The following WDR43 variants were observed in gnomAD, a reference collection of about 807,000 sequenced individuals.
WDR43 encodes WD repeat domain 43.
A neutral mutation model predicts 91.4 loss-of-function variants in WDR43; 13 were observed. The observed-to-expected ratio is 0.14, with a 90% CI of 0.09 to 0.23. The LOEUF is 0.23. Among genes scored for constraint, WDR43 ranks in the 10% least tolerant of loss-of-function variants. The pLI is 1.00. For missense variants in WDR43, 780 were observed against 809.4 expected, an observed-to-expected ratio of 0.96 and a Z score of 0.44; for synonymous variants, 331 against 287.9, an observed-to-expected ratio of 1.15 and a Z score of -1.51.
chr2:28,907,627 T>C (rs1423497363), intron 3 of WDR43, among the ~76,000 whole-genome samples: 1 of 136,564 alleles, frequency 7.3e-6, no homozygotes, highest in Non-Finnish European at 1.6e-5. Flanking sequence ...AAAAAAAGGC[T>C]GGGCTTGGTG....
Position 28,941,453 on chromosome 2 carries a change from T to G in WDR43, c.1621-8T>G. On this transcript the variant is annotated splice_region_variant and splice_polypyrimidine_tract_variant and intron_variant, in intron 14 of 17. Transcript: ENST00000407426. ...TTAATAGTGCCAAATGATCATTTTT[T>G]TCTCTAGTTGCCTGACCTGGTACCC... is the stretch of plus-strand genomic sequence containing the variant. The G allele has an allele frequency of 6.2e-7, 1 of 1,606,054 alleles. No individual in the cohort carries two copies. The highest frequency in any genetic ancestry group is 8.5e-7 in the Non-Finnish European group (1 of 1,175,008).
At chr2:28,933,950 T>G (rs1402679196) in intron 11 of WDR43, among the ~76,000 whole-genome samples, 3 of 152,166 alleles carry the variant, frequency 2.0e-5, no homozygotes, top group Non-Finnish European at 4.4e-5. Context: ...TGAGGATGTA[T>G]CCACATATGA....
chr2:28,934,472 C>T (rs1226776759), intron 11 of WDR43, among the ~76,000 whole-genome samples: 4 of 152,190 alleles, frequency 2.6e-5, no homozygotes, highest in Admixed American at 6.5e-5. Flanking sequence ...GTCTTCAACA[C>T]CACCTTCTTA....
chr2:28,923,084 G>A, intron 7 of WDR43, 101 bp downstream of exon 7: 1 of 991,812 alleles, frequency 1.0e-6, no homozygotes, highest in Non-Finnish European at 1.5e-6. Flanking sequence ...TTACTATTCA[G>A]CCAGATTATT....
At position 28,917,901 on chromosome 2, in the gene WDR43, G is replaced by A. The variant is rs1199673902; in HGVS notation, c.755G>A (p.Arg252Gln). 3 of 1,578,248 alleles carry A rather than the reference G, an allele frequency of 1.9e-6. No individual in the cohort carries two copies. Among genetic ancestry groups the A allele is most frequent in the South Asian group, 2.3e-5 (2 of 85,680 alleles). ...HDRLLNVWQV[R>Q]SENKEKSAVM... ...CTGGTTTTGTTATCTAGGCAGGTCC[G>A]ATCAGAAAACAAAGAAAAGAGTGCA... The change falls in exon 6 of 18, where the codon CGA (arginine) becomes CAA (glutamine). Residue 252 changes from arginine to glutamine, a missense_variant. Physicochemically the swap from Arg to Gln is conservative, Grantham distance 43. Transcript: ENST00000407426.
Position 28,906,443 on chromosome 2 carries a change from T to C in WDR43, c.364-17T>C, listed in dbSNP as rs1184830198. 3 of 1,518,300 alleles carry C rather than the reference T, an allele frequency of 2.0e-6. No homozygotes were observed. Among genetic ancestry groups the C allele is most frequent in the Non-Finnish European group, 2.6e-6 (3 of 1,138,186 alleles). 94.1% of individuals were successfully genotyped at this position (1,518,300 alleles called of 1,614,324 possible). A position where few individuals can be genotyped will look rare whatever the true frequency, so the allele number is the denominator to read the frequency against. On this transcript the variant is annotated splice_polypyrimidine_tract_variant and intron_variant, in intron 2 of 17. Transcript: ENST00000407426. Reference sequence around the variant, plus strand: ...TTGAGACCAGCCTTAAATTTTTTTTTTTTTTTTAATCTACAGAGTGGTGGA... The same window carrying C: ...TTGAGACCAGCCTTAAATTTTTTTTCTTTTTTTAATCTACAGAGTGGTGGA...
At chr2:28,909,231 C>T (rs1462195457) in intron 3 of WDR43, among the ~76,000 whole-genome samples, 2 of 152,100 alleles carry the variant, frequency 1.3e-5, no homozygotes, top group Admixed American at 1.3e-4. Flanking sequence ...CTCTGCCTCC[C>T]GGAATCAAGC....
intron 1 of WDR43, among the ~76,000 whole-genome samples, chr2:28,900,614 T>C (rs550903991): frequency 2.2e-4 from 33 of 152,330 alleles, no homozygotes; most frequent in African/African-American, 7.9e-4. Context: ...TTTTTGCCCC[T>C]GGAATCATTC....
In WDR43 at chr2:28,906,456, A is replaced by G. The variant is rs746066766; in HGVS notation, c.364-4A>G. 16 of 1,536,470 alleles carry G rather than the reference A, an allele frequency of 1.0e-5. 1 individual carries two copies. Among genetic ancestry groups the G allele is most frequent in the South Asian group, 6.2e-5 (5 of 80,870 alleles). On this transcript the variant is annotated splice_polypyrimidine_tract_variant and splice_region_variant and intron_variant, in intron 2 of 17. Transcript: ENST00000407426. ...TAAATTTTTTTTTTTTTTTTAATCTACAGAGTGGTGGACATGACAACAGAG... is the reference window on the plus strand; with the variant it reads ...TAAATTTTTTTTTTTTTTTTAATCTGCAGAGTGGTGGACATGACAACAGAG...
rs552549055 is a variant in WDR43, at chr2:28,904,066, A to C, written c.363+1942A>C. On this transcript the variant is annotated intron_variant, in intron 2 of 17. Transcript: ENST00000407426. ...GTGATCTGCCTGCTTGGCCTCCTAAAGTGCTGGGGTTACAGGCATGAGCCA... is the reference window on the plus strand; with the variant it reads ...GTGATCTGCCTGCTTGGCCTCCTAACGTGCTGGGGTTACAGGCATGAGCCA... Among the ~76,000 whole-genome samples, 15 of 152,218 alleles carry C rather than the reference A, an allele frequency of 9.9e-5. No homozygotes were observed. In the South Asian group the frequency reaches 1.5e-3, roughly 15 times the overall value.
intron 6 of WDR43, among the ~76,000 whole-genome samples, chr2:28,919,344 G>T (rs562373866): frequency 5.5e-4 from 84 of 152,280 alleles, no homozygotes; most frequent in Admixed American, 1.5e-3. Flanking sequence ...GATCAGATCA[G>T]TGATTCCCTA....
At chr2:28,910,197 A>G (rs138833831) in intron 3 of WDR43, among the ~76,000 whole-genome samples, 1 of 152,270 alleles carries the variant, frequency 6.6e-6, no homozygotes, top group Non-Finnish European at 1.5e-5. Flanking sequence ...GGGTGTGGGG[A>G]GGATAGAAGG....
intron 7 of WDR43, among the ~76,000 whole-genome samples, chr2:28,923,805 T>C (rs1322628198): frequency 1.3e-5 from 2 of 152,026 alleles, no homozygotes; most frequent in East Asian, 3.9e-4. Context: ...GAATGTATAA[T>C]TGAGACTCAG....
intron 6 of WDR43, 23 bp from the exon 7 acceptor site, chr2:28,922,896 C>T (rs756112383): frequency 5.8e-6 from 9 of 1,550,492 alleles, no homozygotes; most frequent in South Asian, 5.6e-5. Flanking sequence ...CATTATAATA[C>T]GTTGGTTACA....
intron 5 of WDR43, among the ~76,000 whole-genome samples, chr2:28,917,141 A>G (rs933554749): frequency 6.6e-6 from 1 of 152,218 alleles, no homozygotes; most frequent in Non-Finnish European, 1.5e-5. Context: ...TGTTGATAGT[A>G]TGAGAACGGC....
chr2:28,895,589 C>T (rs1670464924), intron 1 of WDR43, among the ~76,000 whole-genome samples: 1 of 152,128 alleles, frequency 6.6e-6, no homozygotes, highest in African/African-American at 2.4e-5. Context: ...CCACCCACCC[C>T]AATCTGAAGT....
chr2:28,898,954 G>T (rs1373242684), intron 1 of WDR43, among the ~76,000 whole-genome samples: 2 of 152,116 alleles, frequency 1.3e-5, no homozygotes, highest in Non-Finnish European at 2.9e-5. Flanking sequence ...ATGCACATGT[G>T]CCATTCAGAT....
At position 28,909,125 on chromosome 2, in the gene WDR43, C is replaced by T. The variant is rs188098703; in HGVS notation, c.485+2544C>T. Reference sequence around the variant, plus strand: ...AAGTTCTGCTGAATGATGATTATCCCGAGATTTTTTTTCTTTTCTTTCTTT... The same window carrying T: ...AAGTTCTGCTGAATGATGATTATCCTGAGATTTTTTTTCTTTTCTTTCTTT... On this transcript the variant is annotated intron_variant, in intron 3 of 17. Transcript: ENST00000407426. Among the ~76,000 whole-genome samples the T allele has an allele frequency of 6.1e-3, 925 of 151,914 alleles. 9 individuals carry two copies. Among genetic ancestry groups the T allele is most frequent in the African/African-American group, 0.021 (859 of 41,426 alleles).
intron 6 of WDR43, among the ~76,000 whole-genome samples, chr2:28,920,885 C>T (rs1478310280): frequency 6.6e-6 from 1 of 150,604 alleles, no homozygotes; most frequent in Non-Finnish European, 1.5e-5. Flanking sequence ...CCATGTTGGC[C>T]AGGCTGGTCT....
Sources: allele counts gnomAD v4.1 joint callset (sites outside exome capture counted in the v4.1 genomes callset), GRCh38; gene constraint gnomAD v4.1.1; transcripts MANE v1.5; gene names NCBI Gene and HGNC (gene_info 2026-07-23, HGNC 2026-07-21).